The following SLC39A1 variants were observed in gnomAD, a reference collection of about 807,000 sequenced individuals.
SLC39A1 encodes solute carrier family 39 member 1.
In SLC39A1, 17 loss-of-function variants were observed where a neutral mutation model predicts 21.4. The ratio of observed to expected loss-of-function variants is 0.79; its 90% confidence interval spans 0.54 to 1.19. SLC39A1 has a LOEUF of 1.19. Among genes scored for constraint, SLC39A1 ranks in the 50% most tolerant of loss-of-function variants. SLC39A1 has a pLI of 0.00. For synonymous variants in SLC39A1, 183 were observed against 185.9 expected (o/e 0.98, Z 0.13); for missense variants, 343 against 399.8 (o/e 0.86, Z 1.21).
upstream of SLC39A1, chr1:153,964,263 A>C (rs906277706): frequency 6.6e-6 from 1 of 152,196 alleles, no homozygotes; most frequent in Non-Finnish European, 1.5e-5. Flanking sequence ...CGGTTCTCCC[A>C]CCTGATTTCC....
In SLC39A1 at chr1:153,960,224, A is replaced by C; in HGVS notation, c.849T>G (p.Phe283Leu). ...SVLEGMAAGTFLYITFLEILP... is the reference protein window; with the variant it reads ...SVLEGMAAGTLLYITFLEILP... ...GGATTTCCAGAAAGGTGATATAGAG[A>C]AAGGTGCCAGCTGCCATGCCCTCTA... The change falls in exon 4 of 4, where the codon TTT (phenylalanine) becomes TTG (leucine). Residue 283 changes from phenylalanine to leucine, a missense_variant. By Grantham distance (22) the Phe-to-Leu change is conservative (BLOSUM62 0). Coordinates refer to ENST00000356205, the MANE Select transcript of SLC39A1 (RefSeq NM_001271958.2). 2 of 1,614,196 alleles carry C rather than the reference A, an allele frequency of 1.2e-6. No individual in the cohort carries two copies. Among genetic ancestry groups the C allele is most frequent in the Non-Finnish European group, 1.7e-6 (2 of 1,180,046 alleles).
chr1:153,963,718 C>T, upstream of SLC39A1: 1 of 154,018 alleles, frequency 6.5e-6, no homozygotes, highest in Non-Finnish European at 1.4e-5. Flanking sequence ...GGAGAGTGAG[C>T]GAGAGCAAGA....
chr1:153,960,581 C>A lies in SLC39A1; in HGVS notation c.492G>T (p.Gly164=), dbSNP rs201116490. Reference sequence around the variant, plus strand: ...CTGGGGCTCCACTCGCCTGTGGGACCCCTGGCCCATCATGCCAATGCTGCG... The same window carrying A: ...CTGGGGCTCCACTCGCCTGTGGGACACCTGGCCCATCATGCCAATGCTGCG... ...GGPQHWHDGP[G]VPQASGAPAT... The change falls in exon 4 of 4, where the codon GGG becomes GGT. Residue 164 remains glycine (G), a synonymous_variant. Coordinates refer to ENST00000356205, the MANE Select transcript of SLC39A1 (RefSeq NM_001271958.2). 6.2e-6 allele frequency: 10 copies of A among 1,614,192 alleles called. No homozygotes were observed. The South Asian group carries it at 1.1e-4, about 18-fold the overall frequency.
upstream of SLC39A1, chr1:153,964,338 A>G (rs1647670844): frequency 6.6e-6 from 1 of 152,238 alleles, no homozygotes; most frequent in African/African-American, 2.4e-5. Flanking sequence ...GCCCCAAGGT[A>G]GTTGTTTCAG....
At chr1:153,961,110 T>C (rs1342431055) in intron 3 of SLC39A1, among the ~76,000 whole-genome samples, 1 of 152,100 alleles carries the variant, frequency 6.6e-6, no homozygotes, top group Non-Finnish European at 1.5e-5. Flanking sequence ...ACCCTGTCTC[T>C]ACTAAAAATA....
rs1323661043 is a variant in SLC39A1, at chr1:153,960,044, G to A, written c.*54C>T. ...TATTCCCCACAACTGGGGGAGGGAA[G>A]GGAGAACAGGGGCACCTGATCATCA... On this transcript the variant is annotated 3_prime_UTR_variant, in exon 4 of 4. Coordinates refer to ENST00000356205, the MANE Select transcript of SLC39A1 (RefSeq NM_001271958.2). 2 of 1,524,426 alleles carry A rather than the reference G, an allele frequency of 1.3e-6. No homozygotes were observed. Among genetic ancestry groups the A allele is most frequent in the East Asian group, 2.3e-5 (1 of 44,090 alleles). 94.4% of individuals were successfully genotyped at this position (1,524,426 alleles called of 1,614,324 possible).
chr1:153,959,599 G>A lies in SLC39A1; in HGVS notation c.*499C>T, dbSNP rs75940909. ...AATTGGCAGGGAGAGACCATTTGGC[G>A]CCAGTCCCCTAGGAGATGGGAGGAG... On this transcript the variant is annotated 3_prime_UTR_variant, in exon 4 of 4. Coordinates refer to ENST00000356205, the MANE Select transcript of SLC39A1 (RefSeq NM_001271958.2). 2,952 of 286,980 alleles carry A rather than the reference G, an allele frequency of 0.01. 27 individuals carry two copies. Among genetic ancestry groups the A allele is most frequent in the Non-Finnish European group, 0.013 (1,982 of 155,518 alleles). The allele number at this position is 286,980 out of a possible 1,614,324, so 17.8% of individuals were successfully genotyped here. A position where few individuals can be genotyped will look rare whatever the true frequency, so the allele number is the denominator to read the frequency against.
chr1:153,965,676 C>A (rs761632193), upstream of SLC39A1, among the ~76,000 whole-genome samples: 8 of 151,996 alleles, frequency 5.3e-5, no homozygotes, highest in Non-Finnish European at 1.0e-4. Flanking sequence ...ACTTCTGCCT[C>A]CCAGGTTTCA....
In SLC39A1 at chr1:153,960,310, C is replaced by T. The variant is rs757219221; in HGVS notation, c.763G>A (p.Gly255Arg). 49 of 1,614,040 alleles carry T rather than the reference C, an allele frequency of 3.0e-5. No homozygotes were observed. The highest frequency in any genetic ancestry group is 6.7e-5 in the Admixed American group (4 of 60,032). Residue 255 changes from glycine (G) to arginine (R), a missense_variant, in exon 4 of 4, where the codon GGG becomes AGG. Gly to Arg is a moderately radical substitution (Grantham distance 125). Coordinates refer to ENST00000356205, the MANE Select transcript of SLC39A1 (RefSeq NM_001271958.2). ...LFSCMTPLGI[G>R]LGAALAESAG... ...GACTCTGCCAGAGCTGCACCCAGCC[C>T]GATGCCTAGAGGTGTCATGCATGAG...
chr1:153,962,185 C>T (rs1443915661), intron 3 of SLC39A1, 35 bp downstream of exon 3: 1 of 1,605,124 alleles, frequency 6.2e-7, no homozygotes, highest in Non-Finnish European at 8.5e-7. Context: ...GTGTGATTCC[C>T]CTCCCGCAAG....
rs1478978707 is a variant in SLC39A1 at position 153,959,956 on chromosome 1, G to A, written c.*142C>T. On this transcript the variant is annotated 3_prime_UTR_variant, in exon 4 of 4. Transcript: ENST00000356205. ...CTCTCATTAGTCAGATAGCCCCAAA[G>A]GCTCTATCTTTAGCTCCCAGAGAAC... 2.1e-6 allele frequency: 2 copies of A among 935,588 alleles called. No homozygotes were observed. Among genetic ancestry groups the A allele is most frequent in the East Asian group, 2.6e-5 (1 of 38,462 alleles). The allele number at this position is 935,588 out of a possible 1,614,324, so 58.0% of individuals were successfully genotyped here. A position where few individuals can be genotyped will look rare whatever the true frequency, so the allele number is the denominator to read the frequency against.
At chr1:153,963,039 G>A in intron 1 of SLC39A1, 1 of 254,882 alleles carries the variant, frequency 3.9e-6, no homozygotes, top group South Asian at 1.5e-4. Flanking sequence ...AGGAAACTAG[G>A]AGCCGCCTCC....
Position 153,962,217 on chromosome 1 carries a change from C to A in SLC39A1, c.318+3G>T. ...CAAGTCACATGCCCAGGCCAGTGCTCACCGTCACGTGCAAGGCTGCCAGGG... is the reference window on the plus strand; with the variant it reads ...CAAGTCACATGCCCAGGCCAGTGCTAACCGTCACGTGCAAGGCTGCCAGGG... On this transcript the variant is annotated splice_donor_region_variant and intron_variant, in intron 3 of 3. Transcript: ENST00000356205. 1 of 1,613,660 alleles carries A rather than the reference C, an allele frequency of 6.2e-7. No individual in the cohort carries two copies. Among genetic ancestry groups the A allele is most frequent in the Non-Finnish European group, 8.5e-7 (1 of 1,179,714 alleles).
intron 3 of SLC39A1, among the ~76,000 whole-genome samples, chr1:153,961,577 A>G (rs1647438185): frequency 6.6e-6 from 1 of 152,226 alleles, no homozygotes; most frequent in African/African-American, 2.4e-5. Context: ...TCATACATAG[A>G]GCCACATATC....
In SLC39A1 at chr1:153,960,361, C is replaced by A; in HGVS notation, c.712G>T (p.Val238Leu). 2 of 1,614,018 alleles carry A rather than the reference C, an allele frequency of 1.2e-6. No individual in the cohort carries two copies. Among genetic ancestry groups the A allele is most frequent in the Non-Finnish European group, 1.7e-6 (2 of 1,180,054 alleles). ...RLLQSHLRAQ[V>L]VAGCGILFSC... ...AAGAGGATCCCACAGCCAGCCACCACCTGTGCCCTAAGGTGGCTCTGCAAC... is the reference window on the plus strand; with the variant it reads ...AAGAGGATCCCACAGCCAGCCACCAACTGTGCCCTAAGGTGGCTCTGCAAC... The change falls in exon 4 of 4, where the codon GTG becomes TTG. Residue 238 changes from valine (V) to leucine (L), a missense_variant. Val to Leu is a conservative substitution (Grantham distance 32). Coordinates refer to ENST00000356205, the MANE Select transcript of SLC39A1 (RefSeq NM_001271958.2).
intron 3 of SLC39A1, 145 bp downstream of exon 3, chr1:153,962,075 C>A: frequency 3.3e-6 from 4 of 1,218,364 alleles, no homozygotes; most frequent in Non-Finnish European, 4.5e-6. Flanking sequence ...AATTATGCCC[C>A]ATAACCAAAA....
upstream of SLC39A1, chr1:153,964,896 C>A (rs1325888272): frequency 1.3e-5 from 2 of 151,894 alleles, no homozygotes; most frequent in African/African-American, 4.8e-5. Flanking sequence ...GCCGAGATCG[C>A]GCCATTGCGC....
chr1:153,959,859 T>C lies in SLC39A1; in HGVS notation c.*239A>G. On this transcript the variant is annotated 3_prime_UTR_variant, in exon 4 of 4. Coordinates refer to ENST00000356205, the MANE Select transcript of SLC39A1 (RefSeq NM_001271958.2). ...TGTCTTCCCCAATCCTAATGTCCCC[T>C]GATATGTCTCTAGCGACTTGACCAT... The C allele has an allele frequency of 1.9e-6, 1 of 522,974 alleles. No individual in the cohort carries two copies. The highest frequency in any genetic ancestry group is 3.5e-6 in the Non-Finnish European group (1 of 289,514). 32.4% of individuals were successfully genotyped at this position (522,974 alleles called of 1,614,324 possible).
In SLC39A1 at chr1:153,962,229, C is replaced by T; in HGVS notation, c.309G>A (p.Leu103=). 6.2e-7 allele frequency: 1 copy of T among 1,614,008 alleles called. No homozygotes were observed. Among genetic ancestry groups the T allele is most frequent in the Non-Finnish European group, 8.5e-7 (1 of 1,179,938 alleles). ...CCAGGCCAGTGCTCACCGTCACGTG[C>T]AAGGCTGCCAGGGCCTCATCTATGG... is the stretch of plus-strand genomic sequence containing the variant. The part of the protein sequence containing the change: ...LAAIDEALAA[L]HVTLQFPLQE... The change falls in exon 3 of 4, where the codon TTG becomes TTA. Residue 103 remains leucine, a synonymous_variant. Transcript: ENST00000356205.
Sources: allele counts gnomAD v4.1 joint callset (sites outside exome capture counted in the v4.1 genomes callset), GRCh38; gene constraint gnomAD v4.1.1; transcripts MANE v1.5; gene names NCBI Gene and HGNC (gene_info 2026-07-23, HGNC 2026-07-21).